Variants in GLI3 observed in about 807,000 individuals in gnomAD.
GLI3 encodes the protein GLI family zinc finger 3, also known as transcription activator GLI3.
In GLI3, 20 loss-of-function variants were observed where a neutral mutation model predicts 100.8. The ratio of observed to expected loss-of-function variants is 0.20; its 90% CI spans 0.14 to 0.29. The LOEUF is 0.29. GLI3 is among the 10% of genes least tolerant of loss of function. The pLI is 1.00. For missense variants in GLI3, 2,040 were observed against 2,128.5 expected (o/e 0.96, Z 0.82); for synonymous variants, 938 against 860.5 (o/e 1.09, Z -1.58).
At chr7:42,038,001 G>A (rs945634861) in intron 7 of GLI3, among the ~76,000 whole-genome samples, 4 of 152,156 alleles carry the variant, frequency 2.6e-5, no homozygotes, top group African/African-American at 9.7e-5. Context: ...GAGAGCAAGA[G>A]GAAAGAAAAA....
In GLI3 at chr7:42,175,694, A is replaced by C. The variant is rs555822758; in HGVS notation, c.125-27226T>G. Among the ~76,000 whole-genome samples the C allele has an allele frequency of 2.6e-4, 39 of 152,294 alleles. No homozygotes were observed. The East Asian group carries it at 7.3e-3, about 29-fold the overall frequency. On this transcript the variant is annotated intron_variant, in intron 2 of 14. Transcript: ENST00000395925. The stretch of plus-strand genomic sequence containing the variant: ...GAAAGTGAGTTTTAAACAAACTTAT[A>C]TAAAAAGCATAAACATTAAAAACCA...
At chr7:42,077,730 A>T (rs900858806) in intron 3 of GLI3, among the ~76,000 whole-genome samples, 1 of 151,708 alleles carries the variant, frequency 6.6e-6, no homozygotes. Context: ...ATAAACCTTT[A>T]TTAAAAAAAA....
chr7:42,006,714 A>C (rs1390645124), intron 10 of GLI3, among the ~76,000 whole-genome samples: 4 of 152,112 alleles, frequency 2.6e-5, no homozygotes, highest in Admixed American at 2.6e-4. Context: ...GGATAACTTC[A>C]AGTGACCCAG....
chr7:42,163,590 G>A (rs1787177965), intron 2 of GLI3, among the ~76,000 whole-genome samples: 1 of 151,976 alleles, frequency 6.6e-6, no homozygotes, highest in Non-Finnish European at 1.5e-5. Flanking sequence ...CAGCACACCT[G>A]GCTAATTTTT....
chr7:42,179,233 A>G (rs1271161405), intron 2 of GLI3, among the ~76,000 whole-genome samples: 1 of 152,172 alleles, frequency 6.6e-6, no homozygotes, highest in Admixed American at 6.5e-5. Flanking sequence ...ACCTTCCACC[A>G]TGATTGTGAG....
intron 4 of GLI3, among the ~76,000 whole-genome samples, chr7:42,075,585 G>A (rs1309677911): frequency 6.6e-6 from 1 of 152,162 alleles, no homozygotes; most frequent in African/African-American, 2.4e-5. Flanking sequence ...ACTTACTTGT[G>A]TTCCAGTGAA....
intron 10 of GLI3, among the ~76,000 whole-genome samples, chr7:42,019,170 C>T (rs1160645461): frequency 1.3e-5 from 2 of 152,120 alleles, no homozygotes; most frequent in Admixed American, 6.5e-5. Context: ...TCGATCTCAG[C>T]ACTGATGTTT....
At chr7:41,994,515 G>GGT (rs770092438) in intron 10 of GLI3, among the ~76,000 whole-genome samples, 10 of 152,042 alleles carry the variant, frequency 6.6e-5, no homozygotes, top group Non-Finnish European at 1.2e-4. Context: ...AATAAATAAG[G>GGT]GTGTGTGTGT....
chr7:42,161,782 T>G (rs1787135693), intron 2 of GLI3, among the ~76,000 whole-genome samples: 1 of 152,180 alleles, frequency 6.6e-6, no homozygotes, highest in South Asian at 2.1e-4. Context: ...AGAATAAAGT[T>G]TTGAGAGTTC....
At chr7:42,184,529 C>T (rs961149545) in intron 2 of GLI3, among the ~76,000 whole-genome samples, 2 of 152,216 alleles carry the variant, frequency 1.3e-5, no homozygotes, top group Non-Finnish European at 2.9e-5. Context: ...TTTCCTTCAA[C>T]ACTCCCTTCA....
Position 41,967,761 on chromosome 7 carries a change from T to C in GLI3, c.2266A>G (p.Thr756Ala), listed in dbSNP as rs1787228593. 1 of 1,614,022 alleles carries C rather than the reference T, an allele frequency of 6.2e-7. No homozygotes were observed. Among genetic ancestry groups the C allele is most frequent in the African/African-American group, 1.3e-5 (1 of 74,910 alleles). Residue 756 changes from threonine (T) to alanine (A), a missense_variant, in exon 14 of 15, where the codon ACT becomes GCT. Coordinates refer to ENST00000395925, the MANE Select transcript of GLI3 (RefSeq NM_000168.6). Reference protein sequence around the residue: ...ETPIMDSTISTATTALALQAR... With the variant: ...ETPIMDSTISAATTALALQAR... ...TGCAAAGCAAGGGCTGTGGTTGCAGTGGAAATGGTTGAGTCCATGATTGGG... is the reference window on the plus strand; with the variant it reads ...TGCAAAGCAAGGGCTGTGGTTGCAGCGGAAATGGTTGAGTCCATGATTGGG...
intron 3 of GLI3, among the ~76,000 whole-genome samples, chr7:42,134,879 C>T (rs981694685): frequency 4.6e-5 from 7 of 151,860 alleles, no homozygotes; most frequent in Admixed American, 3.3e-4. Context: ...AAAGCTGGAA[C>T]GGATCAAGCA....
intron 2 of GLI3, among the ~76,000 whole-genome samples, chr7:42,182,666 A>G (rs1409951619): frequency 1.3e-4 from 10 of 79,146 alleles, no homozygotes; most frequent in South Asian, 9.3e-4. Context: ...ATATATATAT[A>G]TATATATATA....
chr7:42,215,684 T>C (rs150565241), intron 2 of GLI3, among the ~76,000 whole-genome samples: 13 of 152,366 alleles, frequency 8.5e-5, no homozygotes, highest in South Asian at 6.2e-4. Flanking sequence ...GAGTGATATT[T>C]ATTCCTGATT....
intron 2 of GLI3, among the ~76,000 whole-genome samples, chr7:42,218,214 C>T (rs981859331): frequency 4.6e-5 from 7 of 151,956 alleles, no homozygotes; most frequent in Non-Finnish European, 1.0e-4. Context: ...AACAAGAAAC[C>T]GAAAACTCAC....
At chr7:41,989,586 A>T (rs1787927246) in intron 10 of GLI3, among the ~76,000 whole-genome samples, 1 of 152,192 alleles carries the variant, frequency 6.6e-6, no homozygotes, top group Non-Finnish European at 1.5e-5. Context: ...ATTTATATCC[A>T]AGTTAAGGAT....
intron 3 of GLI3, among the ~76,000 whole-genome samples, chr7:42,137,284 C>A (rs1226660898): frequency 6.6e-6 from 1 of 152,178 alleles, no homozygotes; most frequent in Non-Finnish European, 1.5e-5. Context: ...CATTCCATGC[C>A]TTCACAAACG....
rs1419991170 is a variant in GLI3, at chr7:42,133,474, C to A, written c.367+14752G>T. Among the ~76,000 whole-genome samples, 4 of 152,110 alleles carry A rather than the reference C, an allele frequency of 2.6e-5. No individual in the cohort carries two copies. In the South Asian group the frequency reaches 8.3e-4, roughly 32 times the overall value. ...CTCACTCCTAATTGCACCGAGTTCCCTCCAAACACTGGGATCAGGAAATTC... is the reference window on the plus strand; with the variant it reads ...CTCACTCCTAATTGCACCGAGTTCCATCCAAACACTGGGATCAGGAAATTC... On this transcript the variant is annotated intron_variant, in intron 3 of 14. Coordinates refer to ENST00000395925, the MANE Select transcript of GLI3 (RefSeq NM_000168.6).
intron 7 of GLI3, among the ~76,000 whole-genome samples, chr7:42,027,850 G>C (rs943456306): frequency 6.6e-6 from 1 of 152,168 alleles, no homozygotes; most frequent in African/African-American, 2.4e-5. Flanking sequence ...AGTAAGTTAG[G>C]GAGAAATCAG....
Sources: gnomAD v4.1 joint callset for allele counts (sites outside exome capture counted in the v4.1 genomes callset) on GRCh38, gnomAD v4.1.1 for gene constraint, MANE v1.5 for transcripts, NCBI Gene and HGNC (gene_info 2026-07-23, HGNC 2026-07-21) for gene names.